Variants in TOMM20 observed in about 807,000 individuals in gnomAD.
The protein encoded by TOMM20 is translocase of outer mitochondrial membrane 20.
Under a neutral mutation model 22.1 loss-of-function variants are expected in TOMM20, and 10 were observed. The ratio of observed to expected loss-of-function variants is 0.45; its 90% CI spans 0.28 to 0.77. TOMM20 has a LOEUF of 0.77. Among genes scored for constraint, TOMM20 ranks in the 30% least tolerant of loss-of-function variants. The pLI, the probability that TOMM20 is intolerant of heterozygous loss-of-function variation, is 0.13. For missense variants in TOMM20, 121 were observed against 172.2 expected, an observed-to-expected ratio of 0.70 and a Z score of 1.66; for synonymous variants, 55 against 61.4, an observed-to-expected ratio of 0.90 and a Z score of 0.49.
intron 3 of TOMM20, among the ~76,000 whole-genome samples, chr1:235,115,360 T>C (rs1448004883): frequency 6.6e-6 from 1 of 152,158 alleles, no homozygotes; most frequent in Non-Finnish European, 1.5e-5. Context: ...CCGGGAGCAG[T>C]GGCTCATGCC....
intron 2 of TOMM20, among the ~76,000 whole-genome samples, chr1:235,121,648 T>C (rs924612991): frequency 1.3e-5 from 2 of 152,340 alleles, no homozygotes; most frequent in Middle Eastern, 3.4e-3. Context: ...AATGATCCAG[T>C]AATCCAAGTC....
In TOMM20 at chr1:235,128,815, C is replaced by T; in HGVS notation, c.-100G>A. 1 of 1,557,994 alleles carries T rather than the reference C, an allele frequency of 6.4e-7. No homozygotes were observed. ...GGTCGGCGCAGCTCACACCCGACGG[C>T]CGCGGGCCAGGAACACAGAAAGGCC... On this transcript the variant is annotated 5_prime_UTR_variant, in exon 1 of 5. Coordinates refer to ENST00000366607, the MANE Select transcript of TOMM20 (RefSeq NM_014765.3).
In TOMM20 at chr1:235,109,375, T is replaced by C. The variant is rs868580936; in HGVS notation, c.*2689A>G. Reference sequence around the variant, plus strand: ...AGCCCTTTAATATTCACTTAAACAGTTGAGGCACAAGCAATAATAAAACTG... The same window carrying C: ...AGCCCTTTAATATTCACTTAAACAGCTGAGGCACAAGCAATAATAAAACTG... On this transcript the variant is annotated 3_prime_UTR_variant, in exon 5 of 5. Coordinates refer to ENST00000366607, the MANE Select transcript of TOMM20 (RefSeq NM_014765.3). The C allele has an allele frequency of 6.6e-6, 1 of 152,238 alleles. No individual in the cohort carries two copies. Among genetic ancestry groups the C allele is most frequent in the Non-Finnish European group, 1.5e-5 (1 of 68,042 alleles). 9.4% of individuals were successfully genotyped at this position (152,238 alleles called of 1,614,324 possible). A position where few individuals can be genotyped will look rare whatever the true frequency, so the allele number is the denominator to read the frequency against.
chr1:235,115,234 T>C (rs1660810503), intron 3 of TOMM20, among the ~76,000 whole-genome samples: 1 of 152,210 alleles, frequency 6.6e-6, no homozygotes. Context: ...AGCAAAACTA[T>C]GCTATTAAAT....
rs541832011 is a variant in TOMM20, at chr1:235,127,875, T to C, written c.121+720A>G. On this transcript the variant is annotated intron_variant, in intron 1 of 4. Transcript: ENST00000366607. ...CCTTTGGACTCCCCTGCAATTTCTA[T>C]AGCATTCACTCATATCTTGGAAGCA... The C allele has an allele frequency of 2.1e-5, 11 of 519,188 alleles. No homozygotes were observed. The East Asian group carries it at 2.7e-4, about 13-fold the overall frequency. 32.2% of individuals were successfully genotyped at this position (519,188 alleles called of 1,614,324 possible).
At chr1:235,112,215 G>C in intron 4 of TOMM20, 107 bp from the exon 5 acceptor site, 1 of 890,914 alleles carries the variant, frequency 1.1e-6, no homozygotes. Flanking sequence ...TCTTAGTAAA[G>C]TTCACCCATT....
In TOMM20 at chr1:235,128,674, C is replaced by T. The variant is rs1281737086; in HGVS notation, c.42G>A (p.Gly14=). The T allele has an allele frequency of 6.2e-7, 1 of 1,613,952 alleles. No individual in the cohort carries two copies. Among genetic ancestry groups the T allele is most frequent in the African/African-American group, 1.3e-5 (1 of 74,936 alleles). Residue 14 remains glycine, a synonymous_variant, in exon 1 of 5, where the codon GGG becomes GGA. Coordinates refer to ENST00000366607, the MANE Select transcript of TOMM20 (RefSeq NM_014765.3). The part of the protein sequence containing the change: ...RNSAIAAGVC[G]ALFIGYCIYF... Reference sequence around the variant, plus strand: ...AGATGCAGTACCCAATGAAAAGGGCCCCGCATACACCGGCGGCGATGGCGC... The same window carrying T: ...AGATGCAGTACCCAATGAAAAGGGCTCCGCATACACCGGCGGCGATGGCGC...
At chr1:235,116,293 C>G (rs776548171) in intron 3 of TOMM20, among the ~76,000 whole-genome samples, 1 of 151,942 alleles carries the variant, frequency 6.6e-6, no homozygotes, top group African/African-American at 2.4e-5. Context: ...GTAATCCCAG[C>G]ACTTTGGGAG....
rs910032299 is a variant in TOMM20 at position 235,122,382 on chromosome 1, A to C, written c.122-10T>G. On this transcript the variant is annotated splice_polypyrimidine_tract_variant and intron_variant, in intron 1 of 4. Transcript: ENST00000366607. ...TTCTGTTTCTTTCTTCCTGCAAGAA[A>C]TGCAAAGTTATATTTACATTTTGTC... The C allele has an allele frequency of 1.3e-6, 2 of 1,579,390 alleles. No homozygotes were observed. The highest frequency in any genetic ancestry group is 1.7e-6 in the Non-Finnish European group (2 of 1,166,686).
At position 235,113,828 on chromosome 1, in the gene TOMM20, C is replaced by A; in HGVS notation, c.333G>T (p.Gln111His). 2 of 1,613,850 alleles carry A rather than the reference C, an allele frequency of 1.2e-6. No individual in the cohort carries two copies. Among genetic ancestry groups the A allele is most frequent in the Non-Finnish European group, 1.7e-6 (2 of 1,179,996 alleles). The change falls in exon 4 of 5, where the codon CAG becomes CAT. Residue 111 changes from glutamine (Q) to histidine (H), a missense_variant. By Grantham distance (24) the Gln-to-His change is conservative (BLOSUM62 0). Coordinates refer to ENST00000366607, the MANE Select transcript of TOMM20 (RefSeq NM_014765.3). ...GGAACACTGGTGGTGGAAGAGTTTGCTGTAAGACCTGCAGTAACTGCTGTG... is the reference window on the plus strand; with the variant it reads ...GGAACACTGGTGGTGGAAGAGTTTGATGTAAGACCTGCAGTAACTGCTGTG... ...GQPQQLLQVLQQTLPPPVFQM... is the reference protein window; with the variant it reads ...GQPQQLLQVLHQTLPPPVFQM...
chr1:235,126,088 TAA>T (rs1661014359), intron 1 of TOMM20, among the ~76,000 whole-genome samples: 1 of 150,504 alleles, frequency 6.6e-6, no homozygotes, highest in African/African-American at 2.5e-5. Flanking sequence ...GATAGATAGA[TAA>T]AGATAGATAG....
intron 3 of TOMM20, among the ~76,000 whole-genome samples, chr1:235,116,937 C>T (rs745710349): frequency 2.3e-4 from 34 of 149,876 alleles, no homozygotes; most frequent in Non-Finnish European, 4.1e-4. Context: ...AGATCGAGAC[C>T]ATCCTGGCTA....
chr1:235,123,141 G>A (rs72756018), intron 1 of TOMM20, among the ~76,000 whole-genome samples: 1 of 152,288 alleles, frequency 6.6e-6, no homozygotes, highest in Non-Finnish European at 1.5e-5. Context: ...ACAAGCAAAT[G>A]TCCTCTGAAA....
chr1:235,122,581 C>T, intron 1 of TOMM20: 1 of 405,188 alleles, frequency 2.5e-6, no homozygotes. Flanking sequence ...CGTTCTCCTT[C>T]CCTTTGGGGC....
At chr1:235,121,744 A>G (rs779038213) in intron 2 of TOMM20, among the ~76,000 whole-genome samples, 14 of 152,242 alleles carry the variant, frequency 9.2e-5, no homozygotes, top group Admixed American at 4.6e-4. Context: ...TTACTTACAC[A>G]CGCCACAGAA....
intron 3 of TOMM20, among the ~76,000 whole-genome samples, chr1:235,115,850 T>C (rs1377424930): frequency 6.6e-6 from 1 of 151,758 alleles, no homozygotes; most frequent in African/African-American, 2.4e-5. Context: ...AGCACACACA[T>C]GTTTACTGCC....
intron 4 of TOMM20, among the ~76,000 whole-genome samples, chr1:235,112,585 G>A (rs1265792414): frequency 6.6e-6 from 1 of 151,972 alleles, no homozygotes; most frequent in Non-Finnish European, 1.5e-5. Context: ...GCTCAAATGA[G>A]TGCTAGGATT....
chr1:235,125,533 A>G (rs1661000843), intron 1 of TOMM20, among the ~76,000 whole-genome samples: 1 of 151,832 alleles, frequency 6.6e-6, no homozygotes, highest in Non-Finnish European at 1.5e-5. Flanking sequence ...CTCTCTTCTT[A>G]ACAAAAAAGA....
chr1:235,127,048 A>G (rs1049655521), intron 1 of TOMM20, among the ~76,000 whole-genome samples: 4 of 152,244 alleles, frequency 2.6e-5, no homozygotes, highest in African/African-American at 9.6e-5. Flanking sequence ...TTTGTCTAAA[A>G]TGATAGCTCT....
Sources: allele counts gnomAD v4.1 joint callset (sites outside exome capture counted in the v4.1 genomes callset), GRCh38; gene constraint gnomAD v4.1.1; transcripts MANE v1.5; gene names NCBI Gene and HGNC (gene_info 2026-07-23, HGNC 2026-07-21).